MAST3: variants seen among roughly 807,000 people sequenced by gnomAD.
MAST3 encodes the protein microtubule-associated serine/threonine-protein kinase 3.
A neutral mutation model predicts 127.0 loss-of-function variants in MAST3; 43 were observed. The ratio of observed to expected loss-of-function variants is 0.34; its 90% CI spans 0.27 to 0.44. MAST3 has a LOEUF of 0.44. Ranked by LOEUF, MAST3 falls within the 20% of genes least tolerant of loss-of-function variation. The pLI is 1.00. For missense variants in MAST3, 1,390 were observed against 1,919.1 expected (o/e 0.72, Z 5.15); for synonymous variants, 785 against 809.2 (o/e 0.97, Z 0.51).
chr19:18,135,882 A>G, intron 18 of MAST3, 41 bp downstream of exon 18: 1 of 1,494,698 alleles, frequency 6.7e-7, no homozygotes, highest in Non-Finnish European at 9.2e-7. Context: ...TGGCTCCTTC[A>G]GGCCCTGGGA....
chr19:18,122,617 C>A, intron 5 of MAST3, 56 bp from the exon 6 acceptor site: 1 of 1,469,264 alleles, frequency 6.8e-7, no homozygotes, highest in Non-Finnish European at 9.4e-7. Flanking sequence ...GTTCTTAGTC[C>A]CCACAAACCA....
chr19:18,146,526 T>C (rs1225561912), intron 25 of MAST3, among the ~76,000 whole-genome samples: 2 of 151,960 alleles, frequency 1.3e-5, no homozygotes, highest in Non-Finnish European at 2.9e-5. Context: ...GTAGGTGTCT[T>C]TGGCCTAATG....
At chr19:18,101,840 A>G (rs1010474066) in intron 1 of MAST3, among the ~76,000 whole-genome samples, 1 of 144,874 alleles carries the variant, frequency 6.9e-6, no homozygotes, top group Non-Finnish European at 1.5e-5. Context: ...ATTTTTTAGT[A>G]GAGATGGTGT....
chr19:18,141,833 G>A (rs1425073801), intron 20 of MAST3, 49 bp from the exon 21 acceptor site: 15 of 1,323,608 alleles, frequency 1.1e-5, no homozygotes, highest in South Asian at 8.9e-5. Context: ...TGGGATTACA[G>A]GCATGAGCCA....
intron 21 of MAST3, among the ~76,000 whole-genome samples, chr19:18,143,297 C>T (rs1269935658): frequency 2.0e-5 from 3 of 152,080 alleles, no homozygotes; most frequent in Admixed American, 6.6e-5. Flanking sequence ...AATAGGAAGC[C>T]GGGTGCAGTG....
intron 20 of MAST3, among the ~76,000 whole-genome samples, chr19:18,141,377 C>CTTTTCTT (rs1555805377): frequency 7.3e-5 from 9 of 122,772 alleles, no homozygotes; most frequent in Non-Finnish European, 9.7e-5. Flanking sequence ...AGCCAGCTTT[C>CTTTTCTT]TTTTTTTTTT....
Position 18,150,171 on chromosome 19 carries a change from A to C in MAST3, c.*445A>C, listed in dbSNP as rs1819949481. On this transcript the variant is annotated 3_prime_UTR_variant, in exon 28 of 28. Transcript: ENST00000687212. Reference sequence around the variant, plus strand: ...CCAGCTAATTTTTTGTATTTTTAGTACAGACGGGGTTTCACCATGTTGGTC... The same window carrying C: ...CCAGCTAATTTTTTGTATTTTTAGTCCAGACGGGGTTTCACCATGTTGGTC... 5.5e-6 allele frequency: 1 copy of C among 181,338 alleles called. No individual in the cohort carries two copies. Among genetic ancestry groups the C allele is most frequent in the Non-Finnish European group, 1.1e-5 (1 of 87,210 alleles). 11.2% of individuals were successfully genotyped at this position (181,338 alleles called of 1,614,324 possible).
At position 18,151,469 on chromosome 19, in the gene MAST3, T is replaced by C. The variant is rs544765129; in HGVS notation, c.*1743T>C. On this transcript the variant is annotated 3_prime_UTR_variant, in exon 28 of 28. Coordinates refer to ENST00000687212, the MANE Select transcript of MAST3 (RefSeq NM_001393504.1). Reference sequence around the variant, plus strand: ...CTTGAATGGAGGGTCTGGTGTCAGATACAGCCGACTCCAGCCCCAGCTCAT... The same window carrying C: ...CTTGAATGGAGGGTCTGGTGTCAGACACAGCCGACTCCAGCCCCAGCTCAT... The C allele has an allele frequency of 6.6e-6, 1 of 152,346 alleles. No individual in the cohort carries two copies. Among genetic ancestry groups the C allele is most frequent in the African/African-American group, 2.4e-5 (1 of 41,570 alleles). 9.4% of individuals were successfully genotyped at this position (152,346 alleles called of 1,614,324 possible). A position where few individuals can be genotyped will look rare whatever the true frequency, so the allele number is the denominator to read the frequency against.
At chr19:18,138,044 AC>A (rs2042059802) in intron 19 of MAST3, among the ~76,000 whole-genome samples, 1 of 152,006 alleles carries the variant, frequency 6.6e-6, no homozygotes, top group African/African-American at 2.4e-5. Flanking sequence ...CCCCATCTCT[AC>A]TAAAAATACA....
chr19:18,110,660 C>G lies in MAST3; in HGVS notation c.80C>G (p.Pro27Arg). 1 of 985,812 alleles carries G rather than the reference C, an allele frequency of 1.0e-6. No individual in the cohort carries two copies. Among genetic ancestry groups the G allele is most frequent in the Non-Finnish European group, 1.2e-6 (1 of 829,910 alleles). 61.1% of individuals were successfully genotyped at this position (985,812 alleles called of 1,614,324 possible). A position where few individuals can be genotyped will look rare whatever the true frequency, so the allele number is the denominator to read the frequency against. The change falls in exon 3 of 28, where the codon CCG becomes CGG. Residue 27 changes from proline (P) to arginine (R), a missense_variant. Around this residue, in one of 5 missense-constraint regions of MAST3, gnomAD observed 61 missense variants for 78.2 expected, o/e 0.78. Transcript: ENST00000687212. The surrounding 1 kb of genome is among the most constrained non-coding windows in gnomAD (Gnocchi z 4.3). ...SLPRRGRGLS[P>R]SSQSPSLLGP... ...GGCCTCTTTCTTTGCAGTCTGTCTC[C>G]GAGCAGCCAGAGCCCGTCCCTGCTG...
chr19:18,100,949 T>C (rs2037554198), intron 1 of MAST3, among the ~76,000 whole-genome samples: 1 of 152,132 alleles, frequency 6.6e-6, no homozygotes, highest in Non-Finnish European at 1.5e-5. Context: ...AGGCGTGCTG[T>C]TGGCTGTGTG....
At chr19:18,118,135 G>A (rs12984449) in intron 3 of MAST3, 481,136 of 985,092 alleles carry the variant, frequency 0.49, 121,183 homozygotes, top group South Asian at 0.58. Context: ...TCCCGGCCTC[G>A]GGCGGCTGCG....
At chr19:18,130,937 G>A (rs1052037830) in intron 14 of MAST3, among the ~76,000 whole-genome samples, 19 of 152,174 alleles carry the variant, frequency 1.2e-4, no homozygotes, top group Non-Finnish European at 1.2e-4. Flanking sequence ...AGAGGAGGGT[G>A]GCCATCCTAG....
At position 18,147,549 on chromosome 19, in the gene MAST3, C is replaced by T. The variant is rs1208263534; in HGVS notation, c.3433C>T (p.Pro1145Ser). Residue 1145 changes from proline to serine, a missense_variant, in exon 27 of 28, where the codon CCC becomes TCC. Around this residue, in one of 5 missense-constraint regions of MAST3, gnomAD observed 816 missense variants for 934.1 expected, o/e 0.87. Transcript: ENST00000687212. ...HHSLSSSESL[P>S]GSPTHSLSPS... ...CTCACTGTCATCCAGTGAGAGCCTC[C>T]CCGGCTCGCCCACCCACAGCCTCTC... The T allele has an allele frequency of 1.9e-6, 3 of 1,597,030 alleles. 1 individual carries two copies. The highest frequency in any genetic ancestry group is 2.3e-5 in the South Asian group (2 of 88,574).
intron 1 of MAST3, chr19:18,098,868 A>G: frequency 2.2e-6 from 1 of 453,268 alleles, no homozygotes; most frequent in Non-Finnish European, 4.4e-6. Flanking sequence ...GGGGAGGTAG[A>G]CGCCAGAGCA....
In MAST3 at chr19:18,149,457, G is replaced by C; in HGVS notation, c.3775G>C (p.Gly1259Arg). 1.3e-6 allele frequency: 2 copies of C among 1,536,386 alleles called. No homozygotes were observed. Among genetic ancestry groups the C allele is most frequent in the Non-Finnish European group, 1.8e-6 (2 of 1,142,526 alleles). ...APARSPRLRR[G>R]QSADKLGTGE... ...TGCCCGATCCCCGCGGCTGCGCCGG[G>C]GCCAGTCAGCTGACAAGCTGGGCAC... Residue 1259 changes from glycine (G) to arginine (R), a missense_variant, in exon 28 of 28, where the codon GGC becomes CGC. Physicochemically the swap from Gly to Arg is moderately radical, Grantham distance 125. This residue lies in a region of MAST3 where 816 missense variants were observed against 934.1 expected (regional missense o/e 0.87). Transcript: ENST00000687212. This position sits in a 1 kb window ranked among gnomAD's most constrained non-coding sequence, Gnocchi z 5.9.
chr19:18,126,689 A>G (rs1036217632), intron 11 of MAST3, among the ~76,000 whole-genome samples: 1 of 152,124 alleles, frequency 6.6e-6, no homozygotes, highest in Non-Finnish European at 1.5e-5. Flanking sequence ...AGACTGCTTG[A>G]GCCCAGGGGT....
intron 6 of MAST3, 77 bp from the exon 7 acceptor site, chr19:18,123,140 T>G: frequency 6.6e-7 from 1 of 1,521,880 alleles, no homozygotes; most frequent in Non-Finnish European, 9.1e-7. Context: ...AGCCTGGGCC[T>G]TGAGGGGTGG....
At chr19:18,122,577 C>A in intron 5 of MAST3, 96 bp from the exon 6 acceptor site, 1 of 1,032,568 alleles carries the variant, frequency 9.7e-7, no homozygotes, top group Non-Finnish European at 1.5e-6. Context: ...CTTCCTACAA[C>A]AGGGCCAGAA....
Sources: allele counts gnomAD v4.1 joint callset (sites outside exome capture counted in the v4.1 genomes callset), GRCh38; gene constraint gnomAD v4.1.1; regional missense constraint gnomAD v4.1.1; non-coding constraint Gnocchi (gnomAD v3.1); transcripts MANE v1.5; gene names NCBI Gene and HGNC (gene_info 2026-07-23, HGNC 2026-07-21).